The following FRMD1 variants were observed in gnomAD, a reference collection of about 807,000 sequenced individuals.
The protein encoded by FRMD1 is FERM domain-containing protein 1.
FRMD1 carries 51 observed loss-of-function variants against 54.9 expected under a neutral mutation model. The ratio of observed to expected loss-of-function variants is 0.93; its 90% CI spans 0.74 to 1.17. The LOEUF is 1.17. Ranked by LOEUF, FRMD1 falls within the 50% of genes most tolerant of loss-of-function variation. The probability of loss-of-function intolerance (pLI) is 0.00; values close to 1 mark genes in which losing one functional copy is unlikely to be tolerated. For synonymous variants in FRMD1, 324 were observed against 306.4 expected (o/e 1.06, Z -0.60); for missense variants, 729 against 743.0 (o/e 0.98, Z 0.22).
chr6:168,065,283 C>T, intron 4 of FRMD1: 1 of 1,318,062 alleles, frequency 7.6e-7, no homozygotes, highest in Non-Finnish European at 9.7e-7. Flanking sequence ...ACCAAGGAGC[C>T]ACTAGATGAG....
In FRMD1 at chr6:168,079,189, G is replaced by C; in HGVS notation, c.-95C>G. ...GTGCTTTCCGGGACCCGCCCTTGCC[G>C]AGCTTCTCACTGGGAAGGGAATTGA... On this transcript the variant is annotated 5_prime_UTR_variant, in exon 1 of 11. Transcript: ENST00000283309. The C allele has an allele frequency of 7.0e-7, 1 of 1,427,460 alleles. No individual in the cohort carries two copies. The highest frequency in any genetic ancestry group is 9.2e-7 in the Non-Finnish European group (1 of 1,091,412). 88.4% of individuals were successfully genotyped at this position (1,427,460 alleles called of 1,614,324 possible).
chr6:168,069,242 A>C (rs1800183644), intron 2 of FRMD1, among the ~76,000 whole-genome samples: 1 of 152,234 alleles, frequency 6.6e-6, no homozygotes, highest in Non-Finnish European at 1.5e-5. Flanking sequence ...GGGGTTAGCA[A>C]ACCAGGGCCC....
At chr6:168,066,270 G>A (rs949261225) in intron 4 of FRMD1, 46 of 926,330 alleles carry the variant, frequency 5.0e-5, no homozygotes, top group East Asian at 1.2e-4. Flanking sequence ...AGGTCGAGGC[G>A]GGTGGATCAC....
rs1799324131 is a variant in FRMD1 at position 168,053,473 on chromosome 6, A to C, written c.*3624T>G. On this transcript the variant is annotated 3_prime_UTR_variant, in exon 11 of 11. Transcript: ENST00000283309. ...TGCTGCTCCTACAGGTAGAGACGAC[A>C]TGACTGGGAACCCCGAAACGTCTCC... is the stretch of plus-strand genomic sequence containing the variant. 6.6e-6 allele frequency: 1 copy of C among 152,382 alleles called. No individual in the cohort carries two copies. The highest frequency in any genetic ancestry group is 6.5e-5 in the Admixed American group (1 of 15,292). 9.4% of individuals were successfully genotyped at this position (152,382 alleles called of 1,614,324 possible).
chr6:168,060,611 G>A (rs759063388), intron 9 of FRMD1, 150 bp downstream of exon 9: 16 of 736,348 alleles, frequency 2.2e-5, no homozygotes, highest in Non-Finnish European at 3.2e-5. Context: ...CATTTCCTGG[G>A]ACTCAGGTCA....
chr6:168,085,743 C>T (rs950173695), upstream of FRMD1, among the ~76,000 whole-genome samples: 1 of 148,698 alleles, frequency 6.7e-6, no homozygotes, highest in Non-Finnish European at 1.5e-5. Flanking sequence ...ATCGCCCAGC[C>T]ATAGCATCCA....
chr6:168,087,169 C>T (rs899232714), intron 1 of FRMD1, among the ~76,000 whole-genome samples: 18 of 151,986 alleles, frequency 1.2e-4, no homozygotes, highest in African/African-American at 3.9e-4. Flanking sequence ...CTGGCTCAAG[C>T]GATTCTCCCA....
In FRMD1 at chr6:168,059,214, C is replaced by T. The variant is rs2114951156; in HGVS notation, c.1343-26G>A. ...CTGTGGGAGGAGGCAGCCGTGAGCACAGGTGTCTGGGTTCTGCCCGACATG... is the reference window on the plus strand; with the variant it reads ...CTGTGGGAGGAGGCAGCCGTGAGCATAGGTGTCTGGGTTCTGCCCGACATG... On this transcript the variant is annotated intron_variant, in intron 9 of 10. Transcript: ENST00000283309. This position sits in a 1 kb window ranked among gnomAD's most constrained non-coding sequence, Gnocchi z 4.4. 6.4e-7 allele frequency: 1 copy of T among 1,562,626 alleles called. No homozygotes were observed.
Position 168,056,322 on chromosome 6 carries a change from ACCAGC to A in FRMD1, c.*770_*774del, listed in dbSNP as rs1195485747. On this transcript the variant is annotated 3_prime_UTR_variant, in exon 11 of 11. Coordinates refer to ENST00000283309, the MANE Select transcript of FRMD1 (RefSeq NM_024919.6). ...TTCGCCCCTCCGCCAGCTGGGCTGCACCAGCCCAACCCCAGCCAGGGCAATGGCTT... is the reference window on the plus strand; with the variant it reads ...TTCGCCCCTCCGCCAGCTGGGCTGCACCAACCCCAGCCAGGGCAATGGCTT... The A allele has an allele frequency of 6.6e-6, 1 of 152,454 alleles. No homozygotes were observed. The highest frequency in any genetic ancestry group is 1.5e-5 in the Non-Finnish European group (1 of 68,234). The allele number at this position is 152,454 out of a possible 1,614,324, so 9.4% of individuals were successfully genotyped here. A position where few individuals can be genotyped will look rare whatever the true frequency, so the allele number is the denominator to read the frequency against.
chr6:168,059,254 C>T lies in FRMD1; in HGVS notation c.1343-66G>A, dbSNP rs963061221. On this transcript the variant is annotated intron_variant, in intron 9 of 10. Coordinates refer to ENST00000283309, the MANE Select transcript of FRMD1 (RefSeq NM_024919.6). This position sits in a 1 kb window ranked among gnomAD's most constrained non-coding sequence, Gnocchi z 4.4. ...TGCCCGACATGGCTCCTCCCCAGGGCAGTTCCCTGCACTTCTGGGGCCCTG... is the reference window on the plus strand; with the variant it reads ...TGCCCGACATGGCTCCTCCCCAGGGTAGTTCCCTGCACTTCTGGGGCCCTG... 4.5e-5 allele frequency: 62 copies of T among 1,366,886 alleles called. No individual in the cohort carries two copies. In the African/African-American group the frequency reaches 7.9e-4, roughly 17 times the overall value. 84.7% of individuals were successfully genotyped at this position (1,366,886 alleles called of 1,614,324 possible). A position where few individuals can be genotyped will look rare whatever the true frequency, so the allele number is the denominator to read the frequency against.
intron 6 of FRMD1, among the ~76,000 whole-genome samples, chr6:168,063,190 A>G (rs1230085617): frequency 6.6e-6 from 1 of 152,160 alleles, no homozygotes; most frequent in Non-Finnish European, 1.5e-5. Context: ...GACCTAAGAG[A>G]GCCTGGCCAT....
chr6:168,062,586 G>A, intron 7 of FRMD1: 36 of 1,351,512 alleles, frequency 2.7e-5, no homozygotes, highest in Non-Finnish European at 3.6e-5. Flanking sequence ...ACCTCTTCGG[G>A]TGCAGAATTG....
chr6:168,079,024 C>T lies in FRMD1; in HGVS notation c.71G>A (p.Gly24Glu). Reference sequence around the variant, plus strand: ...AGGACTGGGTTCCATACATCGCGCCCCTGAAGGAGGGAACGTGTCAGGGTT... The same window carrying T: ...AGGACTGGGTTCCATACATCGCGCCTCTGAAGGAGGGAACGTGTCAGGGTT... Reference protein sequence around the residue: ...RTNPDTFPPSGARCMEPSPER... With the variant: ...RTNPDTFPPSEARCMEPSPER... Residue 24 changes from glycine to glutamate, a missense_variant, in exon 1 of 11, where the codon GGG becomes GAG. Gly to Glu is a moderately conservative substitution (Grantham distance 98). Transcript: ENST00000283309. 1 of 1,612,128 alleles carries T rather than the reference C, an allele frequency of 6.2e-7. No homozygotes were observed. The highest frequency in any genetic ancestry group is 1.3e-5 in the African/African-American group (1 of 75,020).
In FRMD1 at chr6:168,057,253, T is replaced by C. The variant is rs1369528298; in HGVS notation, c.1494A>G (p.Pro498=). 9 of 1,611,144 alleles carry C rather than the reference T, an allele frequency of 5.6e-6. No homozygotes were observed. Among genetic ancestry groups the C allele is most frequent in the African/African-American group, 1.3e-5 (1 of 74,984 alleles). ...DMQLHQLALH[P]APTSLSHTFH... ...AGGTATGGCTGAGTGAGGTGGGCGC[T>C]GGGTGCAGGGCCAGCTGGTGCAGCT... Residue 498 remains proline (P), a synonymous_variant, in exon 11 of 11, where the codon CCA becomes CCG. Transcript: ENST00000283309.
At chr6:168,083,104 G>A (rs1261218183), upstream of FRMD1, among the ~76,000 whole-genome samples, 3 of 152,296 alleles carry the variant, frequency 2.0e-5, no homozygotes, top group Admixed American at 1.3e-4. Context: ...ACAGCCCTGC[G>A]GAAGCCACGG....
In FRMD1 at chr6:168,055,771, C is replaced by A. The variant is rs1021715627; in HGVS notation, c.*1326G>T. On this transcript the variant is annotated 3_prime_UTR_variant, in exon 11 of 11. Coordinates refer to ENST00000283309, the MANE Select transcript of FRMD1 (RefSeq NM_024919.6). Reference sequence around the variant, plus strand: ...GAGTTACAGCCGGCATCTCACCAGCCCCCCAGGCAGGCTGGTCCTGGTTCA... The same window carrying A: ...GAGTTACAGCCGGCATCTCACCAGCACCCCAGGCAGGCTGGTCCTGGTTCA... 1 of 151,720 alleles carries A rather than the reference C, an allele frequency of 6.6e-6. No individual in the cohort carries two copies. Among genetic ancestry groups the A allele is most frequent in the Non-Finnish European group, 1.5e-5 (1 of 68,038 alleles). The allele number at this position is 151,720 out of a possible 1,614,324, so 9.4% of individuals were successfully genotyped here. A position where few individuals can be genotyped will look rare whatever the true frequency, so the allele number is the denominator to read the frequency against.
chr6:168,084,406 T>C (rs550658590), upstream of FRMD1, among the ~76,000 whole-genome samples: 4 of 152,324 alleles, frequency 2.6e-5, no homozygotes, highest in South Asian at 8.3e-4. Flanking sequence ...AAAAAAGCCA[T>C]AGAGAGCCAA....
At chr6:168,078,624 CCCCACAG>C in intron 1 of FRMD1, among the ~76,000 whole-genome samples, 1 of 134,886 alleles carries the variant, frequency 7.4e-6, no homozygotes, top group East Asian at 2.2e-4. Context: ...CCCTGCTCAC[CCCCACAG>C]CCTTGCTCAC....
upstream of FRMD1, among the ~76,000 whole-genome samples, chr6:168,083,335 C>T (rs1800867889): frequency 6.6e-6 from 1 of 152,232 alleles, no homozygotes; most frequent in African/African-American, 2.4e-5. Flanking sequence ...AAGGCCGTGA[C>T]CTGCCTGCCT....
Sources: gnomAD v4.1 joint callset for allele counts (sites outside exome capture counted in the v4.1 genomes callset) on GRCh38, gnomAD v4.1.1 for gene constraint, Gnocchi (gnomAD v3.1) non-coding constraint, MANE v1.5 for transcripts, NCBI Gene and HGNC (gene_info 2026-07-23, HGNC 2026-07-21) for gene names.